The following INTU variants were observed in gnomAD, a reference collection of about 807,000 sequenced individuals.
The protein encoded by INTU is protein inturned.
In INTU, 68 loss-of-function variants were observed where a neutral mutation model predicts 100.5. That is an observed-to-expected ratio of 0.68 (90% confidence interval 0.56 to 0.83). The LOEUF is 0.83. Among genes scored for constraint, INTU ranks in the 40% least tolerant of loss-of-function variants. INTU has a pLI of 0.00. For missense variants in INTU, 1,071 were observed against 1,114.7 expected (o/e 0.96, Z 0.56); for synonymous variants, 357 against 395.7 (o/e 0.90, Z 1.16).
intron 2 of INTU, among the ~76,000 whole-genome samples, chr4:127,648,135 A>G (rs575009147): frequency 1.3e-5 from 2 of 152,340 alleles, no homozygotes; most frequent in South Asian, 2.1e-4. Flanking sequence ...TAACAATGCA[A>G]ATCAATCATA....
Position 127,714,078 on chromosome 4 carries a change from C to A in INTU, c.2702C>A (p.Ala901Asp), listed in dbSNP as rs954422804. The A allele has an allele frequency of 1.2e-6, 2 of 1,612,224 alleles. No homozygotes were observed. Among genetic ancestry groups the A allele is most frequent in the Non-Finnish European group, 1.7e-6 (2 of 1,179,446 alleles). Reference protein sequence around the residue: ...TDQKKAPPVMAYWVVGRLFLH... With the variant: ...TDQKKAPPVMDYWVVGRLFLH... ...CAGAAAAAAGCACCACCAGTTATGG[C>A]TTACTGGGTAGTAGGGTAAGTGAGA... The change falls in exon 15 of 16, where the codon GCT becomes GAT. Residue 901 changes from alanine to aspartate, a missense_variant. Coordinates refer to ENST00000335251, the MANE Select transcript of INTU (RefSeq NM_015693.4).
chr4:127,647,012 A>G (rs1353126785), intron 2 of INTU, among the ~76,000 whole-genome samples: 1 of 152,160 alleles, frequency 6.6e-6, no homozygotes, highest in South Asian at 2.1e-4. Flanking sequence ...TGTCCCATAC[A>G]TATGTGCCAC....
chr4:127,700,093 C>G (rs780748654), intron 9 of INTU, 30 bp downstream of exon 9: 1 of 1,530,758 alleles, frequency 6.5e-7, no homozygotes, highest in Admixed American at 1.8e-5. Context: ...TTATAAAAGG[C>G]TCAATGTTGA....
intron 2 of INTU, among the ~76,000 whole-genome samples, chr4:127,654,869 G>A (rs1310296965): frequency 3.5e-5 from 5 of 144,266 alleles, no homozygotes; most frequent in Non-Finnish European, 3.0e-5. Context: ...CCAATCAGAC[G>A]TAGATTTGGT....
chr4:127,633,210 C>A, intron 1 of INTU, 30 bp downstream of exon 1: 1 of 1,604,618 alleles, frequency 6.2e-7, no homozygotes, highest in South Asian at 1.1e-5. Flanking sequence ...ACAATTAATC[C>A]CATCCCATCA....
rs1053340701 is a variant in INTU, at chr4:127,717,875, T to A, written c.*1439T>A. 1 of 152,220 alleles carries A rather than the reference T, an allele frequency of 6.6e-6. No individual in the cohort carries two copies. Among genetic ancestry groups the A allele is most frequent in the African/African-American group, 2.4e-5 (1 of 41,452 alleles). The allele number at this position is 152,220 out of a possible 1,614,324, so 9.4% of individuals were successfully genotyped here. A position where few individuals can be genotyped will look rare whatever the true frequency, so the allele number is the denominator to read the frequency against. ...TAACTTGGTTTGAGTTCCTTGTAGA[T>A]CCTGGATATCAGATCATTGTTGGAT... On this transcript the variant is annotated 3_prime_UTR_variant, in exon 16 of 16. Coordinates refer to ENST00000335251, the MANE Select transcript of INTU (RefSeq NM_015693.4).
intron 8 of INTU, among the ~76,000 whole-genome samples, chr4:127,689,376 A>G (rs1729999407): frequency 6.6e-6 from 1 of 152,004 alleles, no homozygotes; most frequent in Non-Finnish European, 1.5e-5. Context: ...TTGGCTGGGC[A>G]TGGTGGCTCA....
chr4:127,651,682 G>C (rs1388673277), intron 2 of INTU, among the ~76,000 whole-genome samples: 2 of 152,016 alleles, frequency 1.3e-5, no homozygotes, highest in African/African-American at 4.8e-5. Context: ...TTTTGGCTTA[G>C]GATTGCCTTG....
At chr4:127,650,471 G>A (rs1179066744) in intron 2 of INTU, among the ~76,000 whole-genome samples, 1 of 150,160 alleles carries the variant, frequency 6.7e-6, no homozygotes, top group Non-Finnish European at 1.5e-5. Flanking sequence ...AGAATATGCA[G>A]TGTTTGGTTT....
intron 8 of INTU, among the ~76,000 whole-genome samples, chr4:127,691,447 G>A (rs72616931): frequency 0.031 from 4,648 of 152,040 alleles, 303 homozygotes; most frequent in East Asian, 0.27. Context: ...TTTTGGATTT[G>A]GGTCATTCTA....
At chr4:127,659,801 G>C (rs1337620548) in intron 3 of INTU, among the ~76,000 whole-genome samples, 3 of 152,164 alleles carry the variant, frequency 2.0e-5, no homozygotes, top group African/African-American at 7.2e-5. Flanking sequence ...ATTAGTCTTG[G>C]ACTCTTCTTT....
At chr4:127,682,896 A>G (rs996028836) in intron 6 of INTU, among the ~76,000 whole-genome samples, 1 of 152,232 alleles carries the variant, frequency 6.6e-6, no homozygotes, top group Non-Finnish European at 1.5e-5. Flanking sequence ...CCCAAAAGGC[A>G]AAAGAGAAGA....
At chr4:127,647,902 A>G (rs1208545543) in intron 2 of INTU, among the ~76,000 whole-genome samples, 11 of 151,976 alleles carry the variant, frequency 7.2e-5, no homozygotes, top group African/African-American at 2.4e-5. Flanking sequence ...AAACTTTTGC[A>G]TATATATTTT....
chr4:127,687,499 A>ACAGGG (rs1445148748), intron 7 of INTU, 179 bp from the exon 8 acceptor site: 1 of 455,214 alleles, frequency 2.2e-6, no homozygotes, highest in African/African-American at 2.0e-5. Flanking sequence ...AAAAGTTTGG[A>ACAGGG]CAGGGTAAAT....
Position 127,711,082 on chromosome 4 carries a change from C to T in INTU, c.2539C>T (p.Gln847Ter). Reference sequence around the variant, plus strand: ...TTGTCTTTCCATTCGTGCAGTTTTCCAACAGACATTGGTGGAAGAGGTAGG... The same window carrying T: ...TTGTCTTTCCATTCGTGCAGTTTTCTAACAGACATTGGTGGAAGAGGTAGG... ...QCCLSIRAVF[Q>*]QTLVEEKKKG... Residue 847 changes from glutamine (Q) to a stop codon, truncating the protein, a stop_gained, in exon 14 of 16, where the codon CAA (glutamine) becomes TAA (stop). Transcript: ENST00000335251. LOFTEE classifies it high-confidence loss of function. 1 of 1,590,644 alleles carries T rather than the reference C, an allele frequency of 6.3e-7. No homozygotes were observed. Among genetic ancestry groups the T allele is most frequent in the Non-Finnish European group, 8.6e-7 (1 of 1,162,974 alleles).
At chr4:127,700,927 GA>G (rs1169697696) in intron 9 of INTU, among the ~76,000 whole-genome samples, 1 of 152,158 alleles carries the variant, frequency 6.6e-6, no homozygotes, top group Non-Finnish European at 1.5e-5. Flanking sequence ...AGGTGAAGGA[GA>G]GCTTCTTTTT....
chr4:127,658,750 G>A (rs1322130798), intron 3 of INTU, among the ~76,000 whole-genome samples: 1 of 152,136 alleles, frequency 6.6e-6, no homozygotes, highest in Non-Finnish European at 1.5e-5. Flanking sequence ...GAAAAAGGGA[G>A]AGAAAGAAAT....
chr4:127,687,969 G>A, intron 8 of INTU, 102 bp downstream of exon 8: 1 of 838,264 alleles, frequency 1.2e-6, no homozygotes, highest in Non-Finnish European at 1.7e-6. Flanking sequence ...TGGAATTATG[G>A]TTAAAAATTA....
rs1385872954 is a variant in INTU, at chr4:127,720,818, T to G, written c.*4382T>G. 1 of 152,156 alleles carries G rather than the reference T, an allele frequency of 6.6e-6. No individual in the cohort carries two copies. 9.4% of individuals were successfully genotyped at this position (152,156 alleles called of 1,614,324 possible). ...GCCTCTCCTTTTTCTGTTTTCCTTT[T>G]GCTTGGTAGATTTTCCTTCATCCTT... On this transcript the variant is annotated 3_prime_UTR_variant, in exon 16 of 16. Transcript: ENST00000335251.
Sources: gnomAD v4.1 joint callset for allele counts (sites outside exome capture counted in the v4.1 genomes callset) on GRCh38, gnomAD v4.1.1 for gene constraint, MANE v1.5 for transcripts, NCBI Gene and HGNC (gene_info 2026-07-23, HGNC 2026-07-21) for gene names.